Variants in RASSF5 observed in about 807,000 individuals in gnomAD.
The protein encoded by RASSF5 is ras association domain-containing protein 5.
RASSF5 carries 25 observed loss-of-function variants against 40.5 expected under a neutral mutation model. The ratio of observed to expected loss-of-function variants is 0.62; its 90% CI spans 0.45 to 0.86. The LOEUF (loss-of-function observed/expected upper bound fraction) is 0.86, where lower values mean the gene tolerates loss of function less well. Among genes scored for constraint, RASSF5 ranks in the 40% least tolerant of loss-of-function variants. The pLI, the probability that RASSF5 is intolerant of heterozygous loss-of-function variation, is 0.00. For synonymous variants in RASSF5, 246 were observed against 252.4 expected, an observed-to-expected ratio of 0.97 and a Z score of 0.24; for missense variants, 521 against 572.8, an observed-to-expected ratio of 0.91 and a Z score of 0.92.
intron 1 of RASSF5, among the ~76,000 whole-genome samples, chr1:206,514,477 A>G (rs1425318416): frequency 9.2e-5 from 14 of 152,200 alleles, no homozygotes; most frequent in Non-Finnish European, 2.1e-4. Context: ...ATGGCTGAGT[A>G]TGACACTTAC....
At chr1:206,511,517 C>T (rs1666610479) in intron 1 of RASSF5, among the ~76,000 whole-genome samples, 1 of 152,190 alleles carries the variant, frequency 6.6e-6, no homozygotes, top group South Asian at 2.1e-4. Context: ...GATGCTTAGA[C>T]ACACCTTGGC....
intron 1 of RASSF5, among the ~76,000 whole-genome samples, chr1:206,511,129 G>T (rs1666603470): frequency 6.6e-6 from 1 of 152,200 alleles, no homozygotes; most frequent in South Asian, 2.1e-4. Context: ...TTAATTTCTA[G>T]GATTAAAGAA....
intron 2 of RASSF5, among the ~76,000 whole-genome samples, chr1:206,545,137 C>T (rs1204473774): frequency 6.6e-6 from 1 of 152,158 alleles, no homozygotes; most frequent in Admixed American, 6.5e-5. Context: ...GAAGCTTCAA[C>T]ACATGTTAAT....
At chr1:206,568,698 C>T (rs782297963) in intron 2 of RASSF5, among the ~76,000 whole-genome samples, 18 of 152,164 alleles carry the variant, frequency 1.2e-4, no homozygotes, top group Middle Eastern at 3.2e-3. Flanking sequence ...GCAGGCAGAA[C>T]CTATAAACTG....
At chr1:206,536,171 G>A (rs1553398657) in intron 1 of RASSF5, among the ~76,000 whole-genome samples, 1 of 152,190 alleles carries the variant, frequency 6.6e-6, no homozygotes, top group Non-Finnish European at 1.5e-5. Flanking sequence ...TTTGTGCTGA[G>A]CAAGAGGTCT....
chr1:206,547,600 A>G (rs1436443675), intron 2 of RASSF5, among the ~76,000 whole-genome samples: 3 of 151,976 alleles, frequency 2.0e-5, no homozygotes, highest in Non-Finnish European at 4.4e-5. Flanking sequence ...ATTTCATTAT[A>G]TATTGCAATG....
chr1:206,514,256 G>A (rs782494411), intron 1 of RASSF5, among the ~76,000 whole-genome samples: 5 of 152,236 alleles, frequency 3.3e-5, no homozygotes, highest in Non-Finnish European at 5.9e-5. Flanking sequence ...CCCCACTTTG[G>A]CTGAGGAGTC....
At chr1:206,546,683 A>T (rs970853026) in intron 2 of RASSF5, among the ~76,000 whole-genome samples, 2 of 152,212 alleles carry the variant, frequency 1.3e-5, no homozygotes, top group Non-Finnish European at 2.9e-5. Context: ...CACCTAACCT[A>T]CCAAACAACA....
rs1016959593 is a variant in RASSF5, at chr1:206,526,879, G to T, written c.458-11293G>T. Reference sequence around the variant, plus strand: ...TCAGGCATCTCATAGCGTTGAAAATGACAGCTGCCATTTATTGAGCACCTA... The same window carrying T: ...TCAGGCATCTCATAGCGTTGAAAATTACAGCTGCCATTTATTGAGCACCTA... On this transcript the variant is annotated intron_variant, in intron 1 of 5. Coordinates refer to ENST00000579436, the MANE Select transcript of RASSF5 (RefSeq NM_182663.4). Among the ~76,000 whole-genome samples the T allele has an allele frequency of 2.6e-5, 4 of 152,198 alleles. No individual in the cohort carries two copies. In the East Asian group the frequency reaches 5.8e-4, roughly 22 times the overall value.
rs1190618031 is a variant in RASSF5 at position 206,552,094 on chromosome 1, G to A, written c.579+13801G>A. Among the ~76,000 whole-genome samples, 13 of 152,328 alleles carry A rather than the reference G, an allele frequency of 8.5e-5. No homozygotes were observed. The highest frequency in any genetic ancestry group is 6.5e-4 in the Admixed American group (10 of 15,304). On this transcript the variant is annotated intron_variant, in intron 2 of 5. Coordinates refer to ENST00000579436, the MANE Select transcript of RASSF5 (RefSeq NM_182663.4). This position sits in a 1 kb window ranked among gnomAD's most constrained non-coding sequence, Gnocchi z 4.1. ...AGGTTCAGTGTCAAGGCCTATCGAAGCTGTTAGCCTGGCAGCCAATCAGAA... is the reference window on the plus strand; with the variant it reads ...AGGTTCAGTGTCAAGGCCTATCGAAACTGTTAGCCTGGCAGCCAATCAGAA...
chr1:206,587,450 C>A lies in RASSF5; in HGVS notation c.*472C>A. ...ATTCCTTTTGCAGGTCTGAGCTAAG[C>A]CCCTGAAAGCAGGGTAATGCTCATA... On this transcript the variant is annotated 3_prime_UTR_variant, in exon 6 of 6. Transcript: ENST00000579436. The A allele has an allele frequency of 4.5e-6, 1 of 221,552 alleles. No individual in the cohort carries two copies. The highest frequency in any genetic ancestry group is 6.0e-5 in the South Asian group (1 of 16,784). 13.7% of individuals were successfully genotyped at this position (221,552 alleles called of 1,614,324 possible).
chr1:206,533,117 T>C (rs1667284882), intron 1 of RASSF5, among the ~76,000 whole-genome samples: 1 of 152,222 alleles, frequency 6.6e-6, no homozygotes, highest in South Asian at 2.1e-4. Flanking sequence ...TAGTTCCACC[T>C]TCTGGCTTTA....
intron 2 of RASSF5, chr1:206,544,859 G>T (rs1667637484): frequency 6.6e-6 from 1 of 151,630 alleles, no homozygotes; most frequent in Non-Finnish European, 1.5e-5. Context: ...GCCACTGTCT[G>T]CATTAACGCG....
chr1:206,559,371 C>A (rs1032188346), intron 2 of RASSF5, among the ~76,000 whole-genome samples: 2 of 152,112 alleles, frequency 1.3e-5, no homozygotes, highest in Non-Finnish European at 2.9e-5. Flanking sequence ...TTTTACTTGG[C>A]AGTGGAAAAG....
chr1:206,532,343 C>T (rs79956996), intron 1 of RASSF5, among the ~76,000 whole-genome samples: 4,316 of 152,170 alleles, frequency 0.028, 112 homozygotes, highest in African/African-American at 0.066. Context: ...TCATGGCAGC[C>T]CTAGGAACTG....
intron 2 of RASSF5, among the ~76,000 whole-genome samples, chr1:206,565,522 C>T (rs1184376298): frequency 1.3e-5 from 2 of 152,174 alleles, no homozygotes; most frequent in Non-Finnish European, 2.9e-5. Context: ...AGGTGGGGGA[C>T]ATAAAGATGG....
chr1:206,570,227 C>T (rs1327121344), intron 2 of RASSF5, among the ~76,000 whole-genome samples: 1 of 151,532 alleles, frequency 6.6e-6, no homozygotes, highest in Non-Finnish European at 1.5e-5. Context: ...GAGTAGCTGG[C>T]ACTACAGGCA....
At chr1:206,583,161 G>A in intron 2 of RASSF5, 108 bp from the exon 3 acceptor site, 4 of 737,206 alleles carry the variant, frequency 5.4e-6, no homozygotes, top group Middle Eastern at 2.3e-4. Flanking sequence ...ACTCTGCAGG[G>A]CTGGATGCTC....
intron 2 of RASSF5, among the ~76,000 whole-genome samples, chr1:206,554,335 T>C (rs1667924584): frequency 6.6e-6 from 1 of 152,220 alleles, no homozygotes; most frequent in African/African-American, 2.4e-5. Context: ...ACAGCTTTTC[T>C]GGTACATGCA....
Sources: gnomAD v4.1 joint callset for allele counts (sites outside exome capture counted in the v4.1 genomes callset) on GRCh38, gnomAD v4.1.1 for gene constraint, Gnocchi (gnomAD v3.1) non-coding constraint, MANE v1.5 for transcripts, NCBI Gene and HGNC (gene_info 2026-07-23, HGNC 2026-07-21) for gene names.